The following PLIN2 variants were observed in gnomAD, a reference collection of about 807,000 sequenced individuals.
PLIN2 encodes the protein perilipin-2.
Under a neutral mutation model 30.6 loss-of-function variants are expected in PLIN2, and 33 were observed. The observed-to-expected ratio is 1.08, with a 90% CI of 0.82 to 1.44. The LOEUF (loss-of-function observed/expected upper bound fraction) is 1.44. PLIN2 is among the 40% of genes most tolerant of loss of function. The probability of loss-of-function intolerance (pLI) is 0.00; values close to 1 mark genes in which losing one functional copy is unlikely to be tolerated. For missense variants in PLIN2, 610 were observed against 531.8 expected (o/e 1.15, Z -1.45); for synonymous variants, 205 against 201.1 (o/e 1.02, Z -0.16).
chr9:19,123,206 C>A, intron 4 of PLIN2: 2 of 705,092 alleles, frequency 2.8e-6, no homozygotes, highest in South Asian at 2.0e-5. Context: ...TAGTTCCTGG[C>A]AGCATTGTAC....
chr9:19,127,354 C>G lies in PLIN2; in HGVS notation c.-23+65G>C, dbSNP rs1352496005. 6.6e-6 allele frequency: 1 copy of G among 152,352 alleles called. No homozygotes were observed. The highest frequency in any genetic ancestry group is 1.5e-5 in the Non-Finnish European group (1 of 68,180). 9.4% of individuals were successfully genotyped at this position (152,352 alleles called of 1,614,324 possible). A position where few individuals can be genotyped will look rare whatever the true frequency, so the allele number is the denominator to read the frequency against. On this transcript the variant is annotated intron_variant, in intron 1 of 7. Transcript: ENST00000276914. This position sits in a 1 kb window ranked among gnomAD's most constrained non-coding sequence, Gnocchi z 4.3. The stretch of plus-strand genomic sequence containing the variant: ...CCCAAGGCCCCGGGGAGCCCCCCAC[C>G]CCAACTGGGCGCCGCTGGGGGCCCG...
intron 7 of PLIN2, 135 bp downstream of exon 7, chr9:19,118,186 G>A (rs1453271539): frequency 2.1e-5 from 17 of 816,982 alleles, no homozygotes; most frequent in Non-Finnish European, 3.2e-5. Context: ...CACATAACTA[G>A]CCACCTATGT....
chr9:19,121,907 G>C (rs1349385113), intron 4 of PLIN2, among the ~76,000 whole-genome samples: 1 of 152,026 alleles, frequency 6.6e-6, no homozygotes, highest in Admixed American at 6.6e-5. Context: ...CTACAGCCTG[G>C]GCAACAAGAG....
chr9:19,125,138 T>C (rs1818375805), intron 3 of PLIN2, among the ~76,000 whole-genome samples: 1 of 152,212 alleles, frequency 6.6e-6, no homozygotes, highest in African/African-American at 2.4e-5. Flanking sequence ...GACATTTCTA[T>C]TCTTTATTTC....
Position 19,119,668 on chromosome 9 carries a change from G to A in PLIN2, c.759C>T (p.Leu253=), listed in dbSNP as rs748318744. ...KQKSQQTISQ[L]HSTVHLIEFA... is the part of the protein sequence containing the mutation. ...TACTCACCAGGTGAACAGTAGAATG[G>A]AGCTGAGAAATGGTCTGTTGGCTTT... Residue 253 remains leucine, a synonymous_variant, in exon 6 of 8, where the codon CTC becomes CTT. Coordinates refer to ENST00000276914, the MANE Select transcript of PLIN2 (RefSeq NM_001122.4). 6.3e-7 allele frequency: 1 copy of A among 1,599,704 alleles called. No homozygotes were observed. The highest frequency in any genetic ancestry group is 1.1e-5 in the South Asian group (1 of 89,792).
chr9:19,116,342 G>A lies in PLIN2; in HGVS notation c.1220C>T (p.Pro407Leu), dbSNP rs1488725181. 6.2e-7 allele frequency: 1 copy of A among 1,614,104 alleles called. No individual in the cohort carries two copies. Among genetic ancestry groups the A allele is most frequent in the Non-Finnish European group, 8.5e-7 (1 of 1,180,018 alleles). The change falls in exon 8 of 8, where the codon CCT becomes CTT. Residue 407 changes from proline to leucine, a missense_variant. Physicochemically the swap from Pro to Leu is moderately conservative, Grantham distance 98 (BLOSUM62 -3). Transcript: ENST00000276914. ...PLNWLVGPFY[P>L]QLTESQNAQD... ...AGCATTCTGAGACTCAGTCAGCTGA[G>A]GATAAAAGGGACCTACCAGCCAGTT...
downstream of PLIN2, among the ~76,000 whole-genome samples, chr9:19,114,418 T>C (rs538487243): frequency 6.6e-6 from 1 of 152,118 alleles, no homozygotes; most frequent in South Asian, 2.1e-4. Flanking sequence ...CATTTTTTTT[T>C]TTTTAAGACA....
At position 19,116,384 on chromosome 9, in the gene PLIN2, A is replaced by C; in HGVS notation, c.1178T>G (p.Val393Gly). ...CAGCCAGTTGAGGGGCGTGTTGTTA[A>C]CAAGATAATCCATCACGTCATCTAA... ...ESLDDVMDYL[V>G]NNTPLNWLVG... The change falls in exon 8 of 8, where the codon GTT (valine) becomes GGT (glycine). Residue 393 changes from valine (V) to glycine (G), a missense_variant. Val to Gly is a moderately radical substitution (Grantham distance 109). Coordinates refer to ENST00000276914, the MANE Select transcript of PLIN2 (RefSeq NM_001122.4). 2 of 1,614,224 alleles carry C rather than the reference A, an allele frequency of 1.2e-6. No homozygotes were observed. Among genetic ancestry groups the C allele is most frequent in the South Asian group, 2.2e-5 (2 of 91,088 alleles).
chr9:19,121,155 T>C lies in PLIN2; in HGVS notation c.320A>G (p.Asn107Ser). ...LNQPSTQIVA[N>S]AKGAVTGAKD... ...TGCCCCAGTCACAGCGCCTTTGGCA[T>C]TGGCAACAATCTGTAAGTAGAAAAG... Residue 107 changes from asparagine to serine, a missense_variant, in exon 5 of 8, where the codon AAT becomes AGT. By Grantham distance (46) the Asn-to-Ser change is conservative. Coordinates refer to ENST00000276914, the MANE Select transcript of PLIN2 (RefSeq NM_001122.4). 1 of 1,613,858 alleles carries C rather than the reference T, an allele frequency of 6.2e-7. No homozygotes were observed. The highest frequency in any genetic ancestry group is 8.5e-7 in the Non-Finnish European group (1 of 1,179,890).
At chr9:19,125,323 C>T (rs1349696802) in intron 3 of PLIN2, among the ~76,000 whole-genome samples, 3 of 151,868 alleles carry the variant, frequency 2.0e-5, no homozygotes, top group Non-Finnish European at 2.9e-5. Context: ...GAGGCCGAGG[C>T]GGGCGGATCA....
downstream of PLIN2, among the ~76,000 whole-genome samples, chr9:19,114,015 T>C (rs938215277): frequency 6.6e-6 from 1 of 152,006 alleles, no homozygotes; most frequent in Non-Finnish European, 1.5e-5. Context: ...CCTGACCTCT[T>C]GATCTGCCAG....
intron 7 of PLIN2, among the ~76,000 whole-genome samples, chr9:19,117,845 C>T (rs932094232): frequency 1.3e-5 from 2 of 152,040 alleles, no homozygotes; most frequent in Non-Finnish European, 2.9e-5. Flanking sequence ...TCTCGATCTC[C>T]TGACCTCGTG....
chr9:19,118,912 C>T (rs1818271258), intron 6 of PLIN2, among the ~76,000 whole-genome samples: 1 of 152,096 alleles, frequency 6.6e-6, no homozygotes. Context: ...AGACTGGTCT[C>T]GAACTCCTGA....
In PLIN2 at chr9:19,118,474, G is replaced by A. The variant is rs773291731; in HGVS notation, c.778-19C>T. The A allele has an allele frequency of 1.2e-6, 2 of 1,607,952 alleles. No individual in the cohort carries two copies. The highest frequency in any genetic ancestry group is 1.7e-6 in the Non-Finnish European group (2 of 1,177,940). The stretch of plus-strand genomic sequence containing the variant: ...ATTCAATCTAGACACATTGAAACAA[G>A]ACAAAGGAACACACAAGTCAGATAT... On this transcript the variant is annotated intron_variant, in intron 6 of 7. Transcript: ENST00000276914.
chr9:19,126,154 C>G lies in PLIN2; in HGVS notation c.186G>C (p.Met62Ile). The G allele has an allele frequency of 6.2e-7, 1 of 1,614,116 alleles. No individual in the cohort carries two copies. The highest frequency in any genetic ancestry group is 8.5e-7 in the Non-Finnish European group (1 of 1,180,028). The change falls in exon 3 of 8, where the codon ATG becomes ATC. Residue 62 changes from methionine to isoleucine, a missense_variant. By Grantham distance (10) the Met-to-Ile change is conservative. Coordinates refer to ENST00000276914, the MANE Select transcript of PLIN2 (RefSeq NM_001122.4). ...NGVKTITSVA[M>I]TSALPIIQKL... ...TCTGGATGATGGGCAGAGCACTGGT[C>G]ATGGCCACGGAGGTGATGGTCTTCA...
chr9:19,113,567 A>T (rs1305056826), downstream of PLIN2, among the ~76,000 whole-genome samples: 5 of 149,370 alleles, frequency 3.3e-5, no homozygotes, highest in Admixed American at 2.7e-4. Context: ...AAAATTTGTA[A>T]CTTGATAAAA....
At chr9:19,114,688 G>C (rs1487594164), downstream of PLIN2, among the ~76,000 whole-genome samples, 1 of 152,212 alleles carries the variant, frequency 6.6e-6, no homozygotes, top group Non-Finnish European at 1.5e-5. Context: ...ACAGGTATGA[G>C]CCACAGCGCC....
rs1459908249 is a variant in PLIN2 at position 19,119,939 on chromosome 9, A to C, written c.596-108T>G. 22 of 691,688 alleles carry C rather than the reference A, an allele frequency of 3.2e-5. No individual in the cohort carries two copies. In the Admixed American group the frequency reaches 5.9e-4, roughly 19 times the overall value. 42.8% of individuals were successfully genotyped at this position (691,688 alleles called of 1,614,324 possible). On this transcript the variant is annotated intron_variant, in intron 5 of 7. Coordinates refer to ENST00000276914, the MANE Select transcript of PLIN2 (RefSeq NM_001122.4). ...CTTTCTTACTTCTACCCAATCACTT[A>C]GCAATCATGCAGTCATTTTTCCAAG...
At chr9:19,119,918 C>G in intron 5 of PLIN2, 87 bp from the exon 6 acceptor site, 1 of 824,770 alleles carries the variant, frequency 1.2e-6, no homozygotes, top group Non-Finnish European at 1.9e-6. Context: ...TCTTGACTTT[C>G]TTACTTCTAC....
Sources: gnomAD v4.1 joint callset for allele counts (sites outside exome capture counted in the v4.1 genomes callset) on GRCh38, gnomAD v4.1.1 for gene constraint, Gnocchi (gnomAD v3.1) non-coding constraint, MANE v1.5 for transcripts, NCBI Gene and HGNC (gene_info 2026-07-23, HGNC 2026-07-21) for gene names.